FBXL13: variants seen among roughly 807,000 people sequenced by gnomAD.
FBXL13 encodes the protein F-box and leucine-rich repeat protein 13.
In FBXL13, 67 loss-of-function variants were observed where a neutral mutation model predicts 83.6. The ratio of observed to expected loss-of-function variants is 0.80; its 90% confidence interval spans 0.66 to 0.98. FBXL13 has a LOEUF of 0.98. Among genes scored for constraint, FBXL13 ranks in the 50% least tolerant of loss-of-function variants. The pLI is 0.00. For synonymous variants in FBXL13, 272 were observed against 299.5 expected (o/e 0.91, Z 0.95); for missense variants, 822 against 866.5 (o/e 0.95, Z 0.64).
At chr7:102,860,689 G>A (rs1053462164) in intron 16 of FBXL13, among the ~76,000 whole-genome samples, 1 of 152,110 alleles carries the variant, frequency 6.6e-6, no homozygotes, top group Admixed American at 6.5e-5. Context: ...CTGTGTGTGT[G>A]TGTGTGTGGT....
chr7:102,844,189 T>A (rs1007637024), intron 17 of FBXL13, among the ~76,000 whole-genome samples: 3 of 152,272 alleles, frequency 2.0e-5, no homozygotes, highest in Admixed American at 6.5e-5. Flanking sequence ...TTAGAGATAC[T>A]TTTTTATAAT....
chr7:102,852,998 T>C (rs538477352), intron 17 of FBXL13, among the ~76,000 whole-genome samples: 2 of 152,182 alleles, frequency 1.3e-5, no homozygotes, highest in African/African-American at 4.8e-5. Context: ...TATTCAGCCA[T>C]AAAAATGAAA....
chr7:102,900,973 A>G lies in FBXL13; in HGVS notation c.1008+12113T>C, dbSNP rs981183263. 1.3e-4 allele frequency among the ~76,000 whole-genome samples: 20 copies of G among 152,360 alleles called. No homozygotes were observed. In the East Asian group the frequency reaches 3.5e-3, roughly 26 times the overall value. On this transcript the variant is annotated intron_variant, in intron 11 of 19. Coordinates refer to ENST00000313221, the Ensembl canonical transcript of FBXL13. ...TCTTTACACATTTAGAAACTCAAAT[A>G]CTTACTGAGGCCAGGCAGGCAATGC...
chr7:103,020,256 C>T (rs982988353), intron 6 of FBXL13, among the ~76,000 whole-genome samples: 1 of 152,132 alleles, frequency 6.6e-6, no homozygotes, highest in Non-Finnish European at 1.5e-5. Context: ...CAGAAAAGGC[C>T]TTTGACAAAA....
intron 2 of FBXL13, chr7:103,030,948 G>A (rs1387244588): frequency 6.6e-6 from 1 of 151,956 alleles, no homozygotes; most frequent in Non-Finnish European, 1.5e-5. Flanking sequence ...CAGTTTGCAA[G>A]GGAGGGAGGG....
At chr7:102,851,819 G>T (rs1805302642) in intron 17 of FBXL13, among the ~76,000 whole-genome samples, 1 of 152,022 alleles carries the variant, frequency 6.6e-6, no homozygotes, top group African/African-American at 2.4e-5. Context: ...CTCACAATAT[G>T]TACTTTATGA....
chr7:103,027,632 T>C (rs1794084168), intron 4 of FBXL13, 74 bp from the exon 6 acceptor site: 7 of 912,372 alleles, frequency 7.7e-6, no homozygotes, highest in Non-Finnish European at 1.2e-5. Flanking sequence ...AGTGATTTAA[T>C]AGTCTATCAT....
chr7:102,971,521 C>T (rs931917014), intron 6 of FBXL13, among the ~76,000 whole-genome samples: 14 of 144,172 alleles, frequency 9.7e-5, no homozygotes, highest in Admixed American at 5.1e-4. Flanking sequence ...CGCTTGAACC[C>T]GGGCGGAGGT....
intron 17 of FBXL13, among the ~76,000 whole-genome samples, chr7:102,834,394 ATT>A (rs1801468585): frequency 6.8e-6 from 1 of 146,410 alleles, no homozygotes; most frequent in African/African-American, 2.5e-5. Flanking sequence ...ATATATATAT[ATT>A]ATATGCGATT....
intron 17 of FBXL13, among the ~76,000 whole-genome samples, chr7:102,847,395 T>C (rs903088342): frequency 2.0e-5 from 3 of 152,204 alleles, no homozygotes; most frequent in Non-Finnish European, 2.9e-5. Context: ...TAAATTATAT[T>C]ATTACTTTTG....
intron 2 of FBXL13, among the ~76,000 whole-genome samples, chr7:103,054,060 G>A (rs1338861005): frequency 1.3e-5 from 2 of 151,978 alleles, no homozygotes; most frequent in African/African-American, 2.4e-5. Flanking sequence ...GCAACTCCAA[G>A]TCCTGCCTGG....
At chr7:103,019,501 C>T (rs1449246612) in intron 6 of FBXL13, among the ~76,000 whole-genome samples, 2 of 152,084 alleles carry the variant, frequency 1.3e-5, no homozygotes, top group Non-Finnish European at 2.9e-5. Context: ...GATAGAGACA[C>T]AAAAATCCCT....
intron 11 of FBXL13, among the ~76,000 whole-genome samples, chr7:102,905,723 A>G (rs1813646582): frequency 6.6e-6 from 1 of 151,958 alleles, no homozygotes; most frequent in African/African-American, 2.4e-5. Flanking sequence ...CTTCAACTGA[A>G]GGCAATTTTC....
At chr7:102,891,330 C>T (rs1332530736) in intron 11 of FBXL13, among the ~76,000 whole-genome samples, 1 of 152,196 alleles carries the variant, frequency 6.6e-6, no homozygotes, top group Non-Finnish European at 1.5e-5. Flanking sequence ...CCCTGATCAC[C>T]TCAGGTAGAC....
chr7:102,867,689 ATATATATTTTTTTTTT>A (rs1192524938), intron 16 of FBXL13, among the ~76,000 whole-genome samples: 18 of 75,686 alleles, frequency 2.4e-4, no homozygotes, highest in Non-Finnish European at 3.4e-4. Context: ...ATATATATAT[ATATATATTTTTTTTTT>A]TTTTTTTTTT....
intron 6 of FBXL13, among the ~76,000 whole-genome samples, chr7:103,014,862 T>C (rs1461524142): frequency 7.5e-6 from 1 of 133,198 alleles, no homozygotes; most frequent in Non-Finnish European, 1.5e-5. Flanking sequence ...GGGCGGAGCC[T>C]GCAGTGAGCC....
At chr7:102,846,359 C>T (rs900269572) in intron 17 of FBXL13, among the ~76,000 whole-genome samples, 1 of 152,140 alleles carries the variant, frequency 6.6e-6, no homozygotes, top group Non-Finnish European at 1.5e-5. Flanking sequence ...TGGCTGATGC[C>T]TATAATACTG....
chr7:103,006,559 C>T (rs1462160047), intron 6 of FBXL13, among the ~76,000 whole-genome samples: 1 of 152,082 alleles, frequency 6.6e-6, no homozygotes, highest in African/African-American at 2.4e-5. Context: ...TAGATTTTCC[C>T]TTAAAATGCT....
At chr7:103,032,113 T>A (rs11974005) in intron 2 of FBXL13, among the ~76,000 whole-genome samples, 1,671 of 152,276 alleles carry the variant, frequency 0.011, 35 homozygotes, top group African/African-American at 0.039. Context: ...GAAAAAGAAG[T>A]GAAATATAAA....
Sources: allele counts gnomAD v4.1 joint callset (sites outside exome capture counted in the v4.1 genomes callset), GRCh38; gene constraint gnomAD v4.1.1; transcripts MANE v1.5; gene names NCBI Gene and HGNC (gene_info 2026-07-23, HGNC 2026-07-21).